The following CTNNA2 variants were observed in gnomAD, a reference collection of about 807,000 sequenced individuals.
CTNNA2 encodes catenin alpha 2.
In CTNNA2, 42 loss-of-function variants were observed where a neutral mutation model predicts 101.0. The observed-to-expected ratio is 0.42, with a 90% confidence interval of 0.32 to 0.54. The LOEUF is 0.54. Ranked by LOEUF, CTNNA2 falls within the 20% of genes least tolerant of loss-of-function variation. The pLI is 0.14. For synonymous variants in CTNNA2, 450 were observed against 456.4 expected, an observed-to-expected ratio of 0.99 and a Z score of 0.18; for missense variants, 871 against 1,223.1, an observed-to-expected ratio of 0.71 and a Z score of 4.29.
At chr2:79,405,890 T>A (rs548675076) in intron 4 of CTNNA2, among the ~76,000 whole-genome samples, 11 of 152,008 alleles carry the variant, frequency 7.2e-5, no homozygotes, top group African/African-American at 2.4e-4. Flanking sequence ...AAAACTTACA[T>A]AAGCATTGTG....
At chr2:79,390,190 G>T (rs1203313444) in intron 4 of CTNNA2, among the ~76,000 whole-genome samples, 1 of 152,018 alleles carries the variant, frequency 6.6e-6, no homozygotes, top group Non-Finnish European at 1.5e-5. Flanking sequence ...ATCTCTTTTG[G>T]CAGCACTTTG....
chr2:80,103,628 C>T (rs1336279752), intron 7 of CTNNA2, among the ~76,000 whole-genome samples: 1 of 152,178 alleles, frequency 6.6e-6, no homozygotes, highest in Non-Finnish European at 1.5e-5. Context: ...GTGTCTACTA[C>T]CAATTCATAG....
chr2:80,624,542 G>A (rs1573491785), intron 18 of CTNNA2, among the ~76,000 whole-genome samples: 1 of 152,048 alleles, frequency 6.6e-6, no homozygotes, highest in East Asian at 1.9e-4. Flanking sequence ...AGCCCTGGTT[G>A]AGAAGAAAGT....
chr2:79,227,642 T>C (rs1350006693), intron 2 of CTNNA2, among the ~76,000 whole-genome samples: 1 of 152,218 alleles, frequency 6.6e-6, no homozygotes. Flanking sequence ...TATATCATAG[T>C]TTATTAAGTG....
chr2:79,917,082 T>A (rs7578487), intron 7 of CTNNA2, among the ~76,000 whole-genome samples: 3 of 32,014 alleles, frequency 9.4e-5, no homozygotes, highest in Admixed American at 2.5e-4. Context: ...TTTATTTATT[T>A]ATTTTTTTGA....
intron 2 of CTNNA2, chr2:79,312,635 A>T (rs535240078): frequency 8.5e-5 from 13 of 152,220 alleles, no homozygotes; most frequent in Non-Finnish European, 1.8e-4. Flanking sequence ...AGGTCTATGC[A>T]TTGTAGATGA....
intron 3 of CTNNA2, among the ~76,000 whole-genome samples, chr2:79,798,562 T>TC (rs1265359079): frequency 2.4e-3 from 178 of 74,894 alleles, no homozygotes; most frequent in Non-Finnish European, 4.0e-3. Context: ...TAATAAGACT[T>TC]TTTTTTTTTT....
chr2:80,345,040 G>GC (rs1418146308), intron 7 of CTNNA2, among the ~76,000 whole-genome samples: 1 of 151,972 alleles, frequency 6.6e-6, no homozygotes, highest in Non-Finnish European at 1.5e-5. Flanking sequence ...CTTCCTAATG[G>GC]CTCTCCCTAT....
At chr2:80,409,476 G>A (rs1679369873) in intron 8 of CTNNA2, among the ~76,000 whole-genome samples, 1 of 152,074 alleles carries the variant, frequency 6.6e-6, no homozygotes, top group Non-Finnish European at 1.5e-5. Context: ...AGCTTTGTTA[G>A]TAGTTGGGAG....
chr2:79,297,971 T>C (rs1031165754), intron 2 of CTNNA2, among the ~76,000 whole-genome samples: 1 of 152,224 alleles, frequency 6.6e-6, no homozygotes, highest in African/African-American at 2.4e-5. Flanking sequence ...TTTGTGCAAT[T>C]GGTTCTCCAG....
intron 4 of CTNNA2, among the ~76,000 whole-genome samples, chr2:79,400,339 T>G (rs562039863): frequency 3.3e-5 from 5 of 152,118 alleles, no homozygotes; most frequent in Admixed American, 3.3e-4. Context: ...GGAGGCAGGT[T>G]GTCCCTAAGC....
chr2:79,698,359 G>T (rs1439279176), intron 2 of CTNNA2, among the ~76,000 whole-genome samples: 4 of 152,002 alleles, frequency 2.6e-5, no homozygotes, highest in Non-Finnish European at 4.4e-5. Flanking sequence ...TGATAGTACA[G>T]GGATTTTAAA....
At chr2:79,321,616 A>G (rs962915275) in intron 3 of CTNNA2, among the ~76,000 whole-genome samples, 1 of 152,156 alleles carries the variant, frequency 6.6e-6, no homozygotes, top group African/African-American at 2.4e-5. Flanking sequence ...TTTAATTTTG[A>G]TGAAGGTCCT....
chr2:79,777,843 A>T (rs1448939115), intron 3 of CTNNA2, among the ~76,000 whole-genome samples: 1 of 152,050 alleles, frequency 6.6e-6, no homozygotes, highest in African/African-American at 2.4e-5. Context: ...TGTAAAGAGG[A>T]AATGTCCAGG....
chr2:79,518,709 A>G (rs950965410), intron 1 of CTNNA2, among the ~76,000 whole-genome samples: 14 of 152,202 alleles, frequency 9.2e-5, no homozygotes, highest in African/African-American at 3.1e-4. Flanking sequence ...GTTGTTAAAT[A>G]TCATCAATCT....
intron 7 of CTNNA2, among the ~76,000 whole-genome samples, chr2:79,960,906 G>A (rs1266083218): frequency 6.6e-6 from 1 of 152,200 alleles, no homozygotes. Flanking sequence ...GCATGTATTT[G>A]TAGGAGCTCC....
At chr2:80,365,905 C>T (rs921481645) in intron 7 of CTNNA2, among the ~76,000 whole-genome samples, 13 of 152,114 alleles carry the variant, frequency 8.5e-5, no homozygotes, top group African/African-American at 3.1e-4. Flanking sequence ...CTGTGGTCGG[C>T]TGTTATGCTT....
At chr2:79,877,246 G>C (rs1448404738) in intron 6 of CTNNA2, among the ~76,000 whole-genome samples, 1 of 151,990 alleles carries the variant, frequency 6.6e-6, no homozygotes. Context: ...TGTCTGAATT[G>C]CAGTTTTGAA....
At chr2:80,495,281 T>C (rs1687360172) in intron 9 of CTNNA2, among the ~76,000 whole-genome samples, 1 of 152,224 alleles carries the variant, frequency 6.6e-6, no homozygotes, top group African/African-American at 2.4e-5. Flanking sequence ...CCCCAGCTTA[T>C]GAGGGTTTCC....
Sources: allele counts gnomAD v4.1 joint callset (sites outside exome capture counted in the v4.1 genomes callset), GRCh38; gene constraint gnomAD v4.1.1; transcripts MANE v1.5; gene names NCBI Gene and HGNC (gene_info 2026-07-23, HGNC 2026-07-21).